Variants in GRIA4 observed in about 807,000 individuals in gnomAD.
GRIA4 encodes glutamate receptor 4.
In GRIA4, 34 loss-of-function variants were observed where a neutral mutation model predicts 104.0. That is an observed-to-expected ratio of 0.33 (90% CI 0.25 to 0.44). The LOEUF (loss-of-function observed/expected upper bound fraction) is 0.44. Among genes scored for constraint, GRIA4 ranks in the 20% least tolerant of loss-of-function variants. The pLI, the probability that GRIA4 is intolerant of heterozygous loss-of-function variation, is 1.00. For missense variants in GRIA4, 750 were observed against 1,096.5 expected (o/e 0.68, Z 4.46); for synonymous variants, 386 against 381.9 (o/e 1.01, Z -0.13).
intron 4 of GRIA4, among the ~76,000 whole-genome samples, chr11:105,770,916 A>C (rs948905832): frequency 6.6e-6 from 1 of 152,030 alleles, no homozygotes; most frequent in Non-Finnish European, 1.5e-5. Context: ...TCAAGAAATA[A>C]TTATTCCCTT....
At chr11:105,672,446 G>A (rs1017767426) in intron 3 of GRIA4, among the ~76,000 whole-genome samples, 1 of 152,086 alleles carries the variant, frequency 6.6e-6, no homozygotes, top group Non-Finnish European at 1.5e-5. Flanking sequence ...TCAAGTTACT[G>A]AGAAAAATTA....
intron 10 of GRIA4, chr11:105,912,660 AAT>A: frequency 2.5e-6 from 2 of 789,232 alleles, no homozygotes; most frequent in Non-Finnish European, 3.1e-6. Flanking sequence ...ATGAAAATGT[AAT>A]CTTTATATAA....
chr11:105,916,616 A>T (rs1442250825), intron 10 of GRIA4, among the ~76,000 whole-genome samples: 1 of 152,236 alleles, frequency 6.6e-6, no homozygotes, highest in African/African-American at 2.4e-5. Flanking sequence ...ACAAATATGT[A>T]GTTTTTATTG....
chr11:105,830,344 G>A (rs758362221), intron 4 of GRIA4, among the ~76,000 whole-genome samples: 5 of 152,172 alleles, frequency 3.3e-5, no homozygotes, highest in African/African-American at 4.8e-5. Context: ...GAAAGTGGAC[G>A]TGGGAATTGT....
In GRIA4 at chr11:105,924,412, C is replaced by T. The variant is rs768173177; in HGVS notation, c.1490C>T (p.Ala497Val). ...TTTCTCTTATAGAAAGCAGAGATTG[C>T]TATTGCCCCTCTGACAATCACTTTG... ...GELVYGKAEI[A>V]IAPLTITLVR... Residue 497 changes from alanine (A) to valine (V), a missense_variant, in exon 12 of 17, where the codon GCT (alanine) becomes GTT (valine). Around this residue, in one of 3 missense-constraint regions of GRIA4, gnomAD observed 272 missense variants for 524.5 expected, o/e 0.52. Transcript: ENST00000282499. 1.9e-6 allele frequency: 3 copies of T among 1,595,600 alleles called. No homozygotes were observed. The highest frequency in any genetic ancestry group is 2.6e-6 in the Non-Finnish European group (3 of 1,168,042).
intron 3 of GRIA4, among the ~76,000 whole-genome samples, chr11:105,689,169 A>T (rs1952997862): frequency 6.6e-6 from 1 of 152,166 alleles, no homozygotes; most frequent in African/African-American, 2.4e-5. Flanking sequence ...ATTATTCATG[A>T]CCCTGGTTAT....
chr11:105,841,664 G>A (rs1161448335), intron 4 of GRIA4, among the ~76,000 whole-genome samples: 1 of 151,808 alleles, frequency 6.6e-6, no homozygotes, highest in Non-Finnish European at 1.5e-5. Flanking sequence ...ACATTTTCTT[G>A]TCATCCTGAC....
At chr11:105,924,199 T>C (rs1244338049) in intron 11 of GRIA4, among the ~76,000 whole-genome samples, 200 bp from the exon 12 acceptor site, 1 of 152,096 alleles carries the variant, frequency 6.6e-6, no homozygotes, top group East Asian at 1.9e-4. Flanking sequence ...TATTAAAATG[T>C]TTTGTGCAAT....
At position 105,981,392 on chromosome 11, in the gene GRIA4, T is replaced by C. The variant is rs981169977; in HGVS notation, c.*1653T>C. On this transcript the variant is annotated 3_prime_UTR_variant, in exon 17 of 17. Transcript: ENST00000282499. ...AAAGCCATGCACATCAGTGGCTCAT[T>C]TAAGGAATGAATGCCATTAGATGGG... is the stretch of plus-strand genomic sequence containing the variant. The C allele has an allele frequency of 6.6e-6, 1 of 152,474 alleles. No individual in the cohort carries two copies. Among genetic ancestry groups the C allele is most frequent in the Admixed American group, 6.6e-5 (1 of 15,256 alleles). 9.4% of individuals were successfully genotyped at this position (152,474 alleles called of 1,614,324 possible). A position where few individuals can be genotyped will look rare whatever the true frequency, so the allele number is the denominator to read the frequency against.
At position 105,979,744 on chromosome 11, in the gene GRIA4, C is replaced by CA. The variant is rs748260664; in HGVS notation, c.*12dup. On this transcript the variant is annotated 3_prime_UTR_variant, in exon 17 of 17. Coordinates refer to ENST00000282499, the MANE Select transcript of GRIA4 (RefSeq NM_000829.4). ...ATTGCATCGGACCTACCATAAAAAC[C>CA]AAAAAAATAATTGAGTGCCTTAATT... 5.6e-6 allele frequency: 9 copies of CA among 1,605,412 alleles called. No individual in the cohort carries two copies. The highest frequency in any genetic ancestry group is 1.7e-4 in the Middle Eastern group (1 of 5,990).
At chr11:105,938,605 T>C (rs185866174) in intron 14 of GRIA4, among the ~76,000 whole-genome samples, 98 of 152,288 alleles carry the variant, frequency 6.4e-4, no homozygotes, top group African/African-American at 2.3e-3. Flanking sequence ...ATAGATAACT[T>C]ATTTTTTGTA....
chr11:105,738,152 G>C (rs1361244551), intron 3 of GRIA4, among the ~76,000 whole-genome samples: 1 of 152,096 alleles, frequency 6.6e-6, no homozygotes, highest in African/African-American at 2.4e-5. Context: ...ATGAGTGGAA[G>C]CGAATTTAAT....
intron 3 of GRIA4, among the ~76,000 whole-genome samples, chr11:105,645,814 C>T (rs1425169407): frequency 6.6e-6 from 1 of 151,902 alleles, no homozygotes; most frequent in South Asian, 2.1e-4. Context: ...AAATAATTTT[C>T]TGAAGACAGA....
At chr11:105,698,774 A>C (rs1041025841) in intron 3 of GRIA4, among the ~76,000 whole-genome samples, 2 of 152,150 alleles carry the variant, frequency 1.3e-5, no homozygotes, top group Admixed American at 1.3e-4. Context: ...ACTAGACACT[A>C]ATTATGATCC....
chr11:105,901,270 A>ATGGG (rs1946845956), intron 7 of GRIA4, among the ~76,000 whole-genome samples: 4 of 152,152 alleles, frequency 2.6e-5, no homozygotes, highest in Non-Finnish European at 2.9e-5. Context: ...ATAACCAAAA[A>ATGGG]AATGTGCTTC....
intron 4 of GRIA4, among the ~76,000 whole-genome samples, chr11:105,766,310 A>G (rs1442689381): frequency 6.6e-6 from 1 of 152,176 alleles, no homozygotes; most frequent in East Asian, 1.9e-4. Context: ...CTATGAAGAA[A>G]AGAAAATTAT....
chr11:105,879,359 A>G (rs921735007), intron 5 of GRIA4, among the ~76,000 whole-genome samples: 2 of 152,114 alleles, frequency 1.3e-5, no homozygotes, highest in Non-Finnish European at 2.9e-5. Flanking sequence ...GGTCCCCGGT[A>G]GTTTCATTTT....
At chr11:105,834,761 G>A (rs192174754) in intron 4 of GRIA4, among the ~76,000 whole-genome samples, 1 of 141,902 alleles carries the variant, frequency 7.0e-6, no homozygotes, top group Non-Finnish European at 1.5e-5. Flanking sequence ...GAGCCAATAA[G>A]TTCAGTTCCC....
intron 4 of GRIA4, among the ~76,000 whole-genome samples, chr11:105,837,368 G>C (rs1444557612): frequency 1.3e-5 from 2 of 152,126 alleles, no homozygotes; most frequent in South Asian, 4.1e-4. Context: ...GAACCACTAT[G>C]AGTCTTTACA....
Sources: gnomAD v4.1 joint callset for allele counts (sites outside exome capture counted in the v4.1 genomes callset) on GRCh38, gnomAD v4.1.1 for gene constraint, gnomAD v4.1.1 regional missense constraint, MANE v1.5 for transcripts, NCBI Gene and HGNC (gene_info 2026-07-23, HGNC 2026-07-21) for gene names.